ACYP2: variants seen among roughly 807,000 people sequenced by gnomAD.
The protein encoded by ACYP2 is acylphosphatase-2.
A neutral mutation model predicts 11.2 loss-of-function variants in ACYP2; 12 were observed. The ratio of observed to expected loss-of-function variants is 1.08; its 90% confidence interval spans 0.69 to 1.74. The LOEUF is 1.74. ACYP2 is among the 40% of genes most tolerant of loss of function. ACYP2 has a pLI of 0.00. For synonymous variants in ACYP2, 43 were observed against 32.2 expected (o/e 1.33, Z -1.13); for missense variants, 134 against 101.9 (o/e 1.31, Z -1.35).
At chr2:54,149,057 C>T (rs1466079473) in intron 6 of ACYP2, among the ~76,000 whole-genome samples, 3 of 152,170 alleles carry the variant, frequency 2.0e-5, no homozygotes, top group African/African-American at 7.2e-5. Flanking sequence ...TCGTGACCAG[C>T]CTGGGCAACA....
At chr2:54,177,756 T>C (rs998999444) in intron 6 of ACYP2, among the ~76,000 whole-genome samples, 8 of 151,852 alleles carry the variant, frequency 5.3e-5, no homozygotes, top group African/African-American at 1.9e-4. Flanking sequence ...TTTTTGTATT[T>C]TTAGTAGAGA....
At chr2:54,109,924 G>C (rs1445296307) in intron 4 of ACYP2, among the ~76,000 whole-genome samples, 1 of 151,998 alleles carries the variant, frequency 6.6e-6, no homozygotes, top group African/African-American at 2.4e-5. Context: ...GATGTCCTCA[G>C]TTTTCACCTC....
At chr2:54,092,909 G>C (rs1305907481) in intron 4 of ACYP2, among the ~76,000 whole-genome samples, 1 of 152,214 alleles carries the variant, frequency 6.6e-6, no homozygotes, top group Non-Finnish European at 1.5e-5. Flanking sequence ...CTCAGCCAAA[G>C]AGAGTTGGCT....
intron 2 of ACYP2, chr2:53,975,509 C>G (rs1324491344): frequency 2.7e-6 from 1 of 376,880 alleles, no homozygotes; most frequent in Admixed American, 4.5e-5. Context: ...TCTTGAAGGT[C>G]AGGAGACACT....
At chr2:54,020,432 G>C (rs968084284) in intron 2 of ACYP2, among the ~76,000 whole-genome samples, 7 of 152,092 alleles carry the variant, frequency 4.6e-5, no homozygotes, top group African/African-American at 1.7e-4. Flanking sequence ...TCAAATGTTT[G>C]CTTAAAAGAA....
chr2:54,223,521 C>A (rs1685885193), intron 6 of ACYP2, among the ~76,000 whole-genome samples: 1 of 152,050 alleles, frequency 6.6e-6, no homozygotes, highest in Non-Finnish European at 1.5e-5. Flanking sequence ...TTTATGAGCC[C>A]AGAATTTAGA....
At chr2:54,293,191 C>T (rs1370164158) in intron 6 of ACYP2, among the ~76,000 whole-genome samples, 1 of 152,216 alleles carries the variant, frequency 6.6e-6, no homozygotes, top group Non-Finnish European at 1.5e-5. Flanking sequence ...GCTGGACTCA[C>T]ACCTAAGCAT....
chr2:54,186,985 C>T (rs1278701222), intron 6 of ACYP2, among the ~76,000 whole-genome samples: 1 of 152,002 alleles, frequency 6.6e-6, no homozygotes, highest in African/African-American at 2.4e-5. Flanking sequence ...AGGACAAAGG[C>T]ACATTGTCCA....
intron 6 of ACYP2, among the ~76,000 whole-genome samples, chr2:54,250,644 A>G (rs1212681415): frequency 1.3e-5 from 2 of 152,218 alleles, no homozygotes; most frequent in Non-Finnish European, 2.9e-5. Context: ...TTATGTTTCA[A>G]AGGCGGTAAG....
At chr2:53,992,006 A>C (rs1437919961) in intron 2 of ACYP2, among the ~76,000 whole-genome samples, 1 of 151,314 alleles carries the variant, frequency 6.6e-6, no homozygotes, top group East Asian at 2.0e-4. Flanking sequence ...TTCACAATGT[A>C]AGAGCTCTTG....
At position 54,004,972 on chromosome 2, in the gene ACYP2, T is replaced by G. The variant is rs1315166618; in HGVS notation, c.62+31162T>G. 2.0e-5 allele frequency among the ~76,000 whole-genome samples: 3 copies of G among 151,902 alleles called. No individual in the cohort carries two copies. The East Asian group carries it at 5.8e-4, about 29-fold the overall frequency. On this transcript the variant is annotated intron_variant, in intron 2 of 6. Coordinates refer to ENST00000607452, the MANE Select transcript of ACYP2 (RefSeq NM_001320586.2). ...TATTTTTGATAACAGTCTAACAGTC[T>G]TCTATCAGACATGTCTTTTGCAAGT...
rs201503798 is a variant in ACYP2, at chr2:54,100,303, C to CT, written c.278-35133dup. 4.5e-3 allele frequency among the ~76,000 whole-genome samples: 594 copies of CT among 132,482 alleles called. 1 individual carries two copies. The highest frequency in any genetic ancestry group is 0.013 in the South Asian group (52 of 4,118). The allele number at this position is 132,482 out of a possible 152,430, so 86.9% of individuals were successfully genotyped here. ...AGTTTTATGTTAAAATATATACTTC[C>CT]TTTTTTTTTTTTTTTTTGAGACAAA... On this transcript the variant is annotated intron_variant, in intron 4 of 6. Transcript: ENST00000607452.
At chr2:54,039,437 G>A (rs1675104462) in intron 2 of ACYP2, among the ~76,000 whole-genome samples, 1 of 151,764 alleles carries the variant, frequency 6.6e-6, no homozygotes, top group African/African-American at 2.4e-5. Context: ...GACTACAGGT[G>A]TGCACTATCA....
intron 6 of ACYP2, among the ~76,000 whole-genome samples, chr2:54,266,541 T>A: frequency 6.9e-6 from 1 of 144,960 alleles, no homozygotes; most frequent in Admixed American, 7.0e-5. Flanking sequence ...TAGATATAGA[T>A]ATAGCTAGAT....
intron 6 of ACYP2, chr2:54,267,161 C>A: frequency 2.5e-6 from 2 of 807,668 alleles, no homozygotes; most frequent in Non-Finnish European, 1.9e-6. Context: ...TTATAATGAG[C>A]ATGTATTATT....
At position 54,165,455 on chromosome 2, in the gene ACYP2, T is replaced by C. The variant is rs1682908835; in HGVS notation, c.404+26707T>C. On this transcript the variant is annotated intron_variant, in intron 6 of 6. Transcript: ENST00000607452. Reference sequence around the variant, plus strand: ...CCTGAGAGGTCATCTGGTCTGTCTGTCTGTCTGTCTCTCTCTTTCTCTGTG... The same window carrying C: ...CCTGAGAGGTCATCTGGTCTGTCTGCCTGTCTGTCTCTCTCTTTCTCTGTG... 2.6e-5 allele frequency among the ~76,000 whole-genome samples: 4 copies of C among 152,178 alleles called. No homozygotes were observed. In the South Asian group the frequency reaches 8.3e-4, roughly 32 times the overall value.
intron 6 of ACYP2, among the ~76,000 whole-genome samples, chr2:54,302,258 T>C (rs1189877937): frequency 1.3e-5 from 2 of 152,126 alleles, no homozygotes; most frequent in Non-Finnish European, 2.9e-5. Context: ...CCACAACTGC[T>C]CCTGCTCCTG....
intron 6 of ACYP2, among the ~76,000 whole-genome samples, chr2:54,177,359 C>G (rs146232170): frequency 6.6e-6 from 1 of 152,122 alleles, no homozygotes; most frequent in Non-Finnish European, 1.5e-5. Flanking sequence ...AGGTCTTCTC[C>G]TAGAGCTACA....
chr2:54,004,201 G>A lies in ACYP2; in HGVS notation c.62+30391G>A, dbSNP rs187400284. ...GGGCTTTCACCATGTTGGCCAGGCT[G>A]GTCTTGAACTCTGGACCTCAGGTGA... On this transcript the variant is annotated intron_variant, in intron 2 of 6. Transcript: ENST00000607452. Among the ~76,000 whole-genome samples the A allele has an allele frequency of 6.1e-4, 93 of 151,716 alleles. 1 individual carries two copies. Among genetic ancestry groups the A allele is most frequent in the African/African-American group, 2.3e-3 (93 of 41,320 alleles).
Sources: gnomAD v4.1 joint callset for allele counts (sites outside exome capture counted in the v4.1 genomes callset) on GRCh38, gnomAD v4.1.1 for gene constraint, MANE v1.5 for transcripts, NCBI Gene and HGNC (gene_info 2026-07-23, HGNC 2026-07-21) for gene names.